Variants in ANKRD12 observed in about 807,000 individuals in gnomAD.
ANKRD12 encodes the protein ankyrin repeat domain 12.
In ANKRD12, 85 loss-of-function variants were observed where a neutral mutation model predicts 183.4. The observed-to-expected ratio is 0.46, with a 90% confidence interval of 0.39 to 0.56. The LOEUF (loss-of-function observed/expected upper bound fraction) is 0.56, where lower values mean the gene tolerates loss of function less well. Among genes scored for constraint, ANKRD12 ranks in the 20% least tolerant of loss-of-function variants. The probability of loss-of-function intolerance (pLI) is 0.00; values close to 1 mark genes in which losing one functional copy is unlikely to be tolerated. For synonymous variants in ANKRD12, 914 were observed against 800.2 expected, an observed-to-expected ratio of 1.14 and a Z score of -2.40; for missense variants, 2,405 against 2,357.1, an observed-to-expected ratio of 1.02 and a Z score of -0.42.
At position 9,152,030 on chromosome 18, in the gene ANKRD12, A is replaced by C. The variant is rs1315170077; in HGVS notation, c.-52+15065A>C. Among the ~76,000 whole-genome samples the C allele has an allele frequency of 2.0e-5, 3 of 152,220 alleles. No individual in the cohort carries two copies. In the East Asian group the frequency reaches 5.8e-4, roughly 29 times the overall value. ...CCATGAGTTTGTGGCTAGCCTAGGC[A>C]ACAAAGCAAGACCTGGTCTCAATAC... On this transcript the variant is annotated intron_variant, in intron 1 of 12. Coordinates refer to ENST00000262126, the MANE Select transcript of ANKRD12 (RefSeq NM_015208.5).
chr18:9,208,950 T>C lies in ANKRD12; in HGVS notation c.451+147T>C, dbSNP rs2035630380. 13 of 821,824 alleles carry C rather than the reference T, an allele frequency of 1.6e-5. No individual in the cohort carries two copies. In the South Asian group the frequency reaches 4.2e-4, roughly 26 times the overall value. 50.9% of individuals were successfully genotyped at this position (821,824 alleles called of 1,614,324 possible). ...TACTTGTAAGTCAGTGGTAATTTTA[T>C]GATTATTTGTGTGACAGTTTATCAT... On this transcript the variant is annotated intron_variant, in intron 5 of 12. Transcript: ENST00000262126.
At chr18:9,271,261 G>A (rs1479325521) in intron 10 of ANKRD12, among the ~76,000 whole-genome samples, 2 of 152,094 alleles carry the variant, frequency 1.3e-5, no homozygotes, top group Non-Finnish European at 2.9e-5. Context: ...ATTTTTGCCA[G>A]GTGTGGTGGC....
At chr18:9,212,379 C>G (rs532399910) in intron 6 of ANKRD12, among the ~76,000 whole-genome samples, 8 of 151,818 alleles carry the variant, frequency 5.3e-5, no homozygotes, top group Admixed American at 5.2e-4. Context: ...ATGTATAAAG[C>G]AAATACTTAC....
chr18:9,139,955 T>C (rs960978812), intron 1 of ANKRD12, among the ~76,000 whole-genome samples: 1 of 152,214 alleles, frequency 6.6e-6, no homozygotes, highest in Non-Finnish European at 1.5e-5. Flanking sequence ...CCTCTTTCTT[T>C]AGAAGTTTTA....
intron 1 of ANKRD12, among the ~76,000 whole-genome samples, chr18:9,153,679 AT>A (rs1303680427): frequency 1.3e-5 from 2 of 150,610 alleles, no homozygotes; most frequent in South Asian, 2.1e-4. Context: ...ATTATTGGTC[AT>A]TTTTTTCAAG....
chr18:9,245,648 C>G (rs2037919868), intron 8 of ANKRD12, among the ~76,000 whole-genome samples: 2 of 152,088 alleles, frequency 1.3e-5, no homozygotes, highest in Non-Finnish European at 2.9e-5. Flanking sequence ...CAATTTTAAT[C>G]TCAGGTGAGT....
At chr18:9,217,035 G>A in intron 7 of ANKRD12, 135 bp downstream of exon 7, 1 of 832,144 alleles carries the variant, frequency 1.2e-6, no homozygotes, top group Non-Finnish European at 1.8e-6. Context: ...TCTATATTTT[G>A]TTTTCCCTTT....
chr18:9,160,573 C>G (rs186402373), intron 1 of ANKRD12, among the ~76,000 whole-genome samples: 10 of 152,364 alleles, frequency 6.6e-5, no homozygotes, highest in African/African-American at 2.2e-4. Context: ...CTGGCAAGCA[C>G]TGATGGAGCT....
In ANKRD12 at chr18:9,182,412, A is replaced by G; in HGVS notation, c.-21A>G. 1 of 1,552,840 alleles carries G rather than the reference A, an allele frequency of 6.4e-7. No individual in the cohort carries two copies. The highest frequency in any genetic ancestry group is 8.8e-7 in the Non-Finnish European group (1 of 1,132,332). On this transcript the variant is annotated 5_prime_UTR_variant, in exon 2 of 13. Coordinates refer to ENST00000262126, the MANE Select transcript of ANKRD12 (RefSeq NM_015208.5). ...GGATGAGAAGACTGATAAAAGAAGA[A>G]GCTAGCTGAACAGCTGTAAAATGCC...
chr18:9,266,910 T>C (rs1045123429), intron 10 of ANKRD12, among the ~76,000 whole-genome samples: 1 of 151,832 alleles, frequency 6.6e-6, no homozygotes, highest in Non-Finnish European at 1.5e-5. Context: ...CAAAATAAAG[T>C]GATGGAGGAA....
intron 2 of ANKRD12, among the ~76,000 whole-genome samples, chr18:9,194,707 G>A (rs982497507): frequency 2.0e-5 from 3 of 152,046 alleles, no homozygotes; most frequent in Non-Finnish European, 4.4e-5. Flanking sequence ...ATTCAGAATT[G>A]CTTTTTAAAA....
At chr18:9,195,759 T>C (rs1318986636) in intron 3 of ANKRD12, 61 bp downstream of exon 3, 53 of 1,497,744 alleles carry the variant, frequency 3.5e-5, no homozygotes, top group Non-Finnish European at 4.8e-5. Context: ...GATTTTTGTT[T>C]CTTGTACACC....
At chr18:9,139,246 G>T (rs2078235181) in intron 1 of ANKRD12, among the ~76,000 whole-genome samples, 1 of 152,100 alleles carries the variant, frequency 6.6e-6, no homozygotes, top group Non-Finnish European at 1.5e-5. Context: ...GGGGAAAAAA[G>T]CCTGAATTTT....
chr18:9,141,908 AAAAT>A (rs908768325), intron 1 of ANKRD12, among the ~76,000 whole-genome samples: 9 of 152,156 alleles, frequency 5.9e-5, no homozygotes, highest in African/African-American at 1.4e-4. Flanking sequence ...TTAACCTTTT[AAAAT>A]AAATAGTGGG....
chr18:9,241,645 G>A (rs2037667849), intron 8 of ANKRD12, among the ~76,000 whole-genome samples: 2 of 152,168 alleles, frequency 1.3e-5, no homozygotes, highest in African/African-American at 2.4e-5. Context: ...CATACAGCAT[G>A]GTAGGCAATG....
At chr18:9,268,773 G>A (rs1049088278) in intron 10 of ANKRD12, among the ~76,000 whole-genome samples, 29 of 152,288 alleles carry the variant, frequency 1.9e-4, no homozygotes, top group East Asian at 9.6e-4. Context: ...TGTGGCCAGG[G>A]CAATCAGGCA....
intron 9 of ANKRD12, among the ~76,000 whole-genome samples, chr18:9,261,029 G>C (rs2038934227): frequency 6.6e-6 from 1 of 152,082 alleles, no homozygotes; most frequent in African/African-American, 2.4e-5. Context: ...CTTCTGAGGT[G>C]TTCCTTCTTG....
At chr18:9,172,892 G>GT (rs895188823) in intron 1 of ANKRD12, among the ~76,000 whole-genome samples, 2 of 150,162 alleles carry the variant, frequency 1.3e-5, no homozygotes, top group South Asian at 2.1e-4. Flanking sequence ...TTTTTTTTTT[G>GT]TTTTTTGTTT....
chr18:9,281,285 G>T lies in ANKRD12; in HGVS notation c.*159G>T. 1 of 542,852 alleles carries T rather than the reference G, an allele frequency of 1.8e-6. No individual in the cohort carries two copies. Among genetic ancestry groups the T allele is most frequent in the African/African-American group, 2.0e-5 (1 of 50,562 alleles). The allele number at this position is 542,852 out of a possible 1,614,324, so 33.6% of individuals were successfully genotyped here. The stretch of plus-strand genomic sequence containing the variant: ...TAAACACTGTCATTTTATAAAAAAT[G>T]AGAATTATTTTGGATCTTAGATCCA... On this transcript the variant is annotated 3_prime_UTR_variant, in exon 13 of 13. Transcript: ENST00000262126.
Sources: gnomAD v4.1 joint callset for allele counts (sites outside exome capture counted in the v4.1 genomes callset) on GRCh38, gnomAD v4.1.1 for gene constraint, MANE v1.5 for transcripts, NCBI Gene and HGNC (gene_info 2026-07-23, HGNC 2026-07-21) for gene names.